CRIM1: variants seen among roughly 807,000 people sequenced by gnomAD.
CRIM1 encodes the protein cysteine-rich motor neuron 1 protein.
In CRIM1, 32 loss-of-function variants were observed where a neutral mutation model predicts 116.4. The observed-to-expected ratio is 0.27, with a 90% CI of 0.21 to 0.37. The LOEUF (loss-of-function observed/expected upper bound fraction) is 0.37. CRIM1 is among the 10% of genes least tolerant of loss of function. The pLI, the probability that CRIM1 is intolerant of heterozygous loss-of-function variation, is 1.00. For synonymous variants in CRIM1, 590 were observed against 509.2 expected, an observed-to-expected ratio of 1.16 and a Z score of -2.13; for missense variants, 1,331 against 1,354.8, an observed-to-expected ratio of 0.98 and a Z score of 0.28.
intron 5 of CRIM1, among the ~76,000 whole-genome samples, chr2:36,468,426 A>T (rs1678217880): frequency 6.6e-6 from 1 of 152,186 alleles, no homozygotes; most frequent in Non-Finnish European, 1.5e-5. Flanking sequence ...GGAGAGTTGC[A>T]GACCAGTTCA....
chr2:36,456,064 G>A (rs1181330404), intron 4 of CRIM1, among the ~76,000 whole-genome samples: 1 of 152,164 alleles, frequency 6.6e-6, no homozygotes, highest in Non-Finnish European at 1.5e-5. Context: ...CTGAAGGAGT[G>A]TTAGCAGCCA....
At chr2:36,544,211 G>T (rs72868419) in intron 14 of CRIM1, among the ~76,000 whole-genome samples, 165 bp from the exon 15 acceptor site, 1 of 152,174 alleles carries the variant, frequency 6.6e-6, no homozygotes, top group African/African-American at 2.4e-5. Context: ...TGCAAAGCTC[G>T]TGATTCTCTA....
intron 1 of CRIM1, chr2:36,378,579 TGCC>T (rs1670494492): frequency 8.6e-6 from 3 of 347,954 alleles, no homozygotes; most frequent in Non-Finnish European, 1.7e-5. Context: ...TTTATGCTGA[TGCC>T]ATTTCATATG....
intron 8 of CRIM1, among the ~76,000 whole-genome samples, chr2:36,500,377 G>T (rs544395534): frequency 3.3e-5 from 5 of 152,302 alleles, no homozygotes; most frequent in East Asian, 3.9e-4. Context: ...CAGTGCTACT[G>T]TGTGGCCTAA....
chr2:36,417,210 GACAT>G (rs927311777), intron 2 of CRIM1, among the ~76,000 whole-genome samples: 3 of 152,058 alleles, frequency 2.0e-5, no homozygotes, highest in African/African-American at 7.2e-5. Context: ...AACTTTTTCT[GACAT>G]CCTTTTCTTC....
chr2:36,531,009 G>A (rs1666078298), intron 13 of CRIM1, among the ~76,000 whole-genome samples: 1 of 152,172 alleles, frequency 6.6e-6, no homozygotes, highest in African/African-American at 2.4e-5. Context: ...ATCTCAATGT[G>A]TGGGAAGAAC....
intron 1 of CRIM1, among the ~76,000 whole-genome samples, chr2:36,379,765 A>T (rs1209181527): frequency 3.3e-5 from 3 of 91,312 alleles, no homozygotes; most frequent in African/African-American, 5.5e-5. Context: ...TTTTTTTTTT[A>T]AAGAAAAGCA....
rs922012723 is a variant in CRIM1 at position 36,371,900 on chromosome 2, A to G, written c.331+15277A>G. ...GATAAATCGGTTATAAATTATCAAC[A>G]CACTTCAGATGACCATATCATCATG... On this transcript the variant is annotated intron_variant, in intron 1 of 16. Coordinates refer to ENST00000280527, the MANE Select transcript of CRIM1 (RefSeq NM_016441.3). 2.0e-5 allele frequency among the ~76,000 whole-genome samples: 3 copies of G among 152,336 alleles called. No homozygotes were observed. In the South Asian group the frequency reaches 6.2e-4, roughly 32 times the overall value.
intron 4 of CRIM1, among the ~76,000 whole-genome samples, chr2:36,456,111 G>T (rs556301955): frequency 6.6e-6 from 1 of 152,220 alleles, no homozygotes; most frequent in South Asian, 2.1e-4. Context: ...CAAGTAGAAG[G>T]TTAGTCCAGA....
intron 9 of CRIM1, among the ~76,000 whole-genome samples, chr2:36,510,344 A>G (rs1302871805): frequency 6.6e-6 from 1 of 152,170 alleles, no homozygotes; most frequent in Non-Finnish European, 1.5e-5. Context: ...TTTACTTTTT[A>G]TGGACATGGG....
chr2:36,379,062 T>C (rs1279306916), intron 1 of CRIM1: 1 of 152,246 alleles, frequency 6.6e-6, no homozygotes, highest in Non-Finnish European at 1.5e-5. Context: ...CTCATTCAAA[T>C]GAAACAGCTT....
At chr2:36,370,738 G>A (rs1470952694) in intron 1 of CRIM1, among the ~76,000 whole-genome samples, 1 of 152,186 alleles carries the variant, frequency 6.6e-6, no homozygotes, top group East Asian at 1.9e-4. Flanking sequence ...TAAAAAGAGA[G>A]AGAAGGGATA....
intron 10 of CRIM1, 26 bp downstream of exon 10, chr2:36,512,420 C>A: frequency 6.3e-7 from 1 of 1,578,394 alleles, no homozygotes; most frequent in Non-Finnish European, 8.7e-7. Context: ...TGGCCCTTCC[C>A]CCTCAAAGCA....
intron 5 of CRIM1, among the ~76,000 whole-genome samples, chr2:36,471,669 A>T (rs947695317): frequency 3.9e-5 from 6 of 151,998 alleles, no homozygotes; most frequent in African/African-American, 7.2e-5. Flanking sequence ...TGGAAGAAGA[A>T]GATTGTCTTG....
At chr2:36,360,960 G>A (rs1029466851) in intron 1 of CRIM1, among the ~76,000 whole-genome samples, 1 of 152,090 alleles carries the variant, frequency 6.6e-6, no homozygotes, top group Non-Finnish European at 1.5e-5. Context: ...AACAAGCAGA[G>A]GGCCTATAAC....
rs1053741919 is a variant in CRIM1, at chr2:36,550,035, G to T, written c.*1334G>T. ...TAATTGGAAAGATGTGTGTGTGAGA[G>T]TATGTATGTGTGTGTGTGTGTGTGT... On this transcript the variant is annotated 3_prime_UTR_variant, in exon 17 of 17. Transcript: ENST00000280527. 1.4e-5 allele frequency: 2 copies of T among 146,978 alleles called. No individual in the cohort carries two copies. 9.1% of individuals were successfully genotyped at this position (146,978 alleles called of 1,614,324 possible).
At chr2:36,452,975 A>G (rs886574623) in intron 4 of CRIM1, among the ~76,000 whole-genome samples, 1 of 152,250 alleles carries the variant, frequency 6.6e-6, no homozygotes, top group African/African-American at 2.4e-5. Flanking sequence ...TCATCATGGC[A>G]CATGCAAACA....
At chr2:36,447,231 G>A (rs1332376329) in intron 4 of CRIM1, among the ~76,000 whole-genome samples, 1 of 152,024 alleles carries the variant, frequency 6.6e-6, no homozygotes, top group African/African-American at 2.4e-5. Flanking sequence ...TTCAACCCAG[G>A]TTTTTTAATT....
intron 13 of CRIM1, among the ~76,000 whole-genome samples, chr2:36,523,419 A>G (rs913406985): frequency 3.0e-4 from 45 of 152,124 alleles, no homozygotes; most frequent in African/African-American, 1.0e-3. Flanking sequence ...CAGAGGATCT[A>G]TGTATATTAG....
Sources: gnomAD v4.1 joint callset for allele counts (sites outside exome capture counted in the v4.1 genomes callset) on GRCh38, gnomAD v4.1.1 for gene constraint, MANE v1.5 for transcripts, NCBI Gene and HGNC (gene_info 2026-07-23, HGNC 2026-07-21) for gene names.